Variants in RORA observed in about 807,000 individuals in gnomAD.
RORA encodes nuclear receptor ROR-alpha.
A neutral mutation model predicts 69.5 loss-of-function variants in RORA; 7 were observed. The ratio of observed to expected loss-of-function variants is 0.10; its 90% CI spans 0.06 to 0.19. The LOEUF is 0.19. RORA is among the 10% of genes least tolerant of loss of function. RORA has a pLI of 1.00. For missense variants in RORA, 457 were observed against 663.0 expected, an observed-to-expected ratio of 0.69 and a Z score of 3.41; for synonymous variants, 261 against 240.8, an observed-to-expected ratio of 1.08 and a Z score of -0.78.
At chr15:60,668,523 T>A (rs1375329730) in intron 2 of RORA, among the ~76,000 whole-genome samples, 1 of 152,144 alleles carries the variant, frequency 6.6e-6, no homozygotes, top group Non-Finnish European at 1.5e-5. Context: ...AGTTAAGTTA[T>A]TAGGAAGTTT....
At chr15:61,167,482 A>ATTTTTTTTTTTTTTT (rs199752865) in intron 1 of RORA, among the ~76,000 whole-genome samples, 10 of 133,688 alleles carry the variant, frequency 7.5e-5, no homozygotes, top group East Asian at 2.6e-4. Context: ...TTTGACCAGG[A>ATTTTTTTTTTTTTTT]TTTTTTTTTT....
At chr15:60,962,630 A>G (rs1893447460) in intron 1 of RORA, among the ~76,000 whole-genome samples, 1 of 152,156 alleles carries the variant, frequency 6.6e-6, no homozygotes, top group Non-Finnish European at 1.5e-5. Context: ...ACATTAGCAC[A>G]CCATTTTAGA....
In RORA at chr15:60,763,096, T is replaced by TTTTTTTTTTTTTTTTTTTTTA. The variant is rs375632043; in HGVS notation, c.167-84411_167-84410insTAAAAAAAAAAAAAAAAAAAA. On this transcript the variant is annotated intron_variant, in intron 1 of 10. Coordinates refer to ENST00000335670, the MANE Select transcript of RORA (RefSeq NM_134261.3). Reference sequence around the variant, plus strand: ...TTTTTTTTTTTTTTTTTTTTTTTTTTAACCAACCTACCAAAGCAAAGGCAG... The same window carrying TTTTTTTTTTTTTTTTTTTTTA: ...TTTTTTTTTTTTTTTTTTTTTTTTTTTTTTTTTTTTTTTTTTTTTTAAACCAACCTACCAAAGCAAAGGCAG... Among the ~76,000 whole-genome samples the TTTTTTTTTTTTTTTTTTTTTA allele has an allele frequency of 5.5e-5, 6 of 109,366 alleles. 1 individual carries two copies. The highest frequency in any genetic ancestry group is 1.2e-4 in the Admixed American group (1 of 8,246). 71.7% of individuals were successfully genotyped at this position (109,366 alleles called of 152,430 possible).
chr15:61,200,398 CA>C (rs1229142878), intron 1 of RORA, among the ~76,000 whole-genome samples: 13 of 152,034 alleles, frequency 8.6e-5, no homozygotes, highest in African/African-American at 3.1e-4. Flanking sequence ...AATAAAAGGG[CA>C]ATAAATTAAC....
At chr15:61,186,214 C>A (rs917899037) in intron 1 of RORA, among the ~76,000 whole-genome samples, 3 of 152,168 alleles carry the variant, frequency 2.0e-5, no homozygotes, top group African/African-American at 7.2e-5. Flanking sequence ...CACACTGCAA[C>A]CTAGGGTCAT....
chr15:61,084,005 T>C (rs1421412270), intron 1 of RORA, among the ~76,000 whole-genome samples: 2 of 152,114 alleles, frequency 1.3e-5, no homozygotes, highest in Non-Finnish European at 2.9e-5. Flanking sequence ...AAGAGTTAGC[T>C]GGGTAAGAGG....
At chr15:60,590,199 CTT>C (rs2068459315) in intron 2 of RORA, among the ~76,000 whole-genome samples, 1 of 151,756 alleles carries the variant, frequency 6.6e-6, no homozygotes, top group Non-Finnish European at 1.5e-5. Flanking sequence ...CTCTCTCTCT[CTT>C]TCAGGCAGCT....
intron 2 of RORA, among the ~76,000 whole-genome samples, chr15:60,666,130 C>T (rs911246436): frequency 2.0e-5 from 3 of 151,450 alleles, no homozygotes; most frequent in African/African-American, 2.4e-5. Flanking sequence ...ATAGTAGATA[C>T]TGATCACTCT....
intron 1 of RORA, among the ~76,000 whole-genome samples, chr15:61,107,800 C>T (rs2078966014): frequency 6.6e-6 from 1 of 151,882 alleles, no homozygotes; most frequent in Non-Finnish European, 1.5e-5. Flanking sequence ...TGCAATTTAA[C>T]AAGACTTCAC....
At chr15:61,214,376 T>C (rs1567040597) in intron 1 of RORA, 1 of 152,206 alleles carries the variant, frequency 6.6e-6, no homozygotes, top group Admixed American at 6.5e-5. Context: ...CTTAAATCCT[T>C]GCGGGGTTTA....
rs1555414874 is a variant in RORA, at chr15:61,147,763, A to ATG, written c.166+81289_166+81290insCA. Reference sequence around the variant, plus strand: ...TGATGGTCAGTAGGCACGTGCGCACACGCGTGTGTGTGTGTGTGTGTGTGT... The same window carrying ATG: ...TGATGGTCAGTAGGCACGTGCGCACATGCGCGTGTGTGTGTGTGTGTGTGTGT... On this transcript the variant is annotated intron_variant, in intron 1 of 10. Coordinates refer to ENST00000335670, the MANE Select transcript of RORA (RefSeq NM_134261.3). The surrounding 1 kb of genome is among the most constrained non-coding windows in gnomAD (Gnocchi z 4.1). Among the ~76,000 whole-genome samples, 2 of 74,796 alleles carry ATG rather than the reference A, an allele frequency of 2.7e-5. No individual in the cohort carries two copies. Among genetic ancestry groups the ATG allele is most frequent in the African/African-American group, 4.2e-5 (1 of 23,630 alleles). 49.1% of individuals were successfully genotyped at this position (74,796 alleles called of 152,430 possible).
intron 1 of RORA, among the ~76,000 whole-genome samples, chr15:61,074,974 C>G (rs553961030): frequency 8.6e-5 from 13 of 151,872 alleles, no homozygotes; most frequent in African/African-American, 2.9e-4. Context: ...GTAATACCAG[C>G]TACTCGGGAG....
At chr15:61,001,896 A>G (rs9302221) in intron 1 of RORA, among the ~76,000 whole-genome samples, 20,662 of 152,248 alleles carry the variant, frequency 0.14, 1,475 homozygotes, top group African/African-American at 0.16. Context: ...ACAGTCATAC[A>G]AAGATCCAGG....
At chr15:60,654,524 T>A (rs1011968074) in intron 2 of RORA, among the ~76,000 whole-genome samples, 2 of 152,188 alleles carry the variant, frequency 1.3e-5, no homozygotes, top group Non-Finnish European at 2.9e-5. Context: ...CGCAGTAAAC[T>A]GAGTAATGTG....
chr15:60,979,480 C>T (rs1453361937), intron 1 of RORA, among the ~76,000 whole-genome samples: 1 of 151,984 alleles, frequency 6.6e-6, no homozygotes, highest in Non-Finnish European at 1.5e-5. Flanking sequence ...TCTTCCAATC[C>T]ATAAACATAG....
intron 1 of RORA, among the ~76,000 whole-genome samples, chr15:60,685,525 C>T (rs1381913594): frequency 6.6e-6 from 1 of 152,158 alleles, no homozygotes; most frequent in Non-Finnish European, 1.5e-5. Flanking sequence ...TACACATAGT[C>T]AAAAAGAAAA....
intron 1 of RORA, among the ~76,000 whole-genome samples, chr15:60,762,935 G>A (rs993549785): frequency 6.6e-6 from 1 of 151,896 alleles, no homozygotes; most frequent in Non-Finnish European, 1.5e-5. Context: ...TTATTAAGTT[G>A]TTTTGAGTGC....
At chr15:60,827,699 G>A (rs2072984740) in intron 1 of RORA, among the ~76,000 whole-genome samples, 1 of 152,314 alleles carries the variant, frequency 6.6e-6, no homozygotes, top group East Asian at 1.9e-4. Flanking sequence ...TCTGGGTTGG[G>A]TGAGCAGCTG....
intron 1 of RORA, among the ~76,000 whole-genome samples, chr15:61,075,283 G>A (rs947372332): frequency 1.3e-5 from 2 of 151,996 alleles, no homozygotes; most frequent in African/African-American, 4.8e-5. Context: ...CTGGAGGGAG[G>A]AGGCTCTCTC....
Sources: gnomAD v4.1 joint callset for allele counts (sites outside exome capture counted in the v4.1 genomes callset) on GRCh38, gnomAD v4.1.1 for gene constraint, Gnocchi (gnomAD v3.1) non-coding constraint, MANE v1.5 for transcripts, NCBI Gene and HGNC (gene_info 2026-07-23, HGNC 2026-07-21) for gene names.